Variants in SLC24A3 observed in about 807,000 individuals in gnomAD.
The protein encoded by SLC24A3 is solute carrier family 24 member 3.
In SLC24A3, 28 loss-of-function variants were observed where a neutral mutation model predicts 75.8. The observed-to-expected ratio is 0.37, with a 90% CI of 0.27 to 0.51. The LOEUF (loss-of-function observed/expected upper bound fraction) is 0.51, where lower values mean the gene tolerates loss of function less well. Ranked by LOEUF, SLC24A3 falls within the 20% of genes least tolerant of loss-of-function variation. The pLI, the probability that SLC24A3 is intolerant of heterozygous loss-of-function variation, is 0.94. For synonymous variants in SLC24A3, 372 were observed against 334.1 expected, an observed-to-expected ratio of 1.11 and a Z score of -1.24; for missense variants, 663 against 847.8, an observed-to-expected ratio of 0.78 and a Z score of 2.71.
Position 19,212,959 on chromosome 20 carries a change from G to A in SLC24A3, c.117G>A (p.Ser39=), listed in dbSNP as rs1370524641. ...FLASVALLLW[S]LSSLREQKEL... ...CCTCGGTGGCGCTGCTGCTCTGGTC[G>A]CTGTCGAGCCTGCGAGAGCAGAAGG... is the stretch of plus-strand genomic sequence containing the variant. The change falls in exon 1 of 17, where the codon TCG becomes TCA. Residue 39 remains serine (S), a synonymous_variant. Coordinates refer to ENST00000328041, the MANE Select transcript of SLC24A3 (RefSeq NM_020689.4). 4 of 1,316,838 alleles carry A rather than the reference G, an allele frequency of 3.0e-6. No homozygotes were observed. Among genetic ancestry groups the A allele is most frequent in the Admixed American group, 6.0e-5 (2 of 33,234 alleles). 81.6% of individuals were successfully genotyped at this position (1,316,838 alleles called of 1,614,324 possible).
intron 15 of SLC24A3, among the ~76,000 whole-genome samples, chr20:19,713,464 A>G (rs529519953): frequency 1.3e-5 from 2 of 152,324 alleles, no homozygotes; most frequent in African/African-American, 4.8e-5. Flanking sequence ...CACTCTGACC[A>G]GTCCCTGCTG....
At chr20:19,617,324 C>T (rs2031748691) in intron 6 of SLC24A3, among the ~76,000 whole-genome samples, 2 of 152,220 alleles carry the variant, frequency 1.3e-5, no homozygotes, top group African/African-American at 4.8e-5. Flanking sequence ...AGGACAAGGA[C>T]AGCATGCCCC....
chr20:19,462,994 C>T (rs116256085), intron 2 of SLC24A3, among the ~76,000 whole-genome samples: 2,300 of 152,212 alleles, frequency 0.015, 65 homozygotes, highest in African/African-American at 0.052. Flanking sequence ...GTCTTATCCA[C>T]CTCCTATCTC....
intron 2 of SLC24A3, among the ~76,000 whole-genome samples, chr20:19,286,221 A>G (rs1174594982): frequency 2.0e-5 from 3 of 152,190 alleles, no homozygotes; most frequent in Admixed American, 2.0e-4. Context: ...CCTACAGGTC[A>G]GCTATTGACT....
At chr20:19,715,498 T>TG (rs1474577528) in intron 15 of SLC24A3, among the ~76,000 whole-genome samples, 2 of 152,212 alleles carry the variant, frequency 1.3e-5, no homozygotes, top group Admixed American at 1.3e-4. Context: ...ATGTTCCAGC[T>TG]GGGGGCCAGC....
intron 3 of SLC24A3, among the ~76,000 whole-genome samples, chr20:19,575,699 T>A (rs1160603337): frequency 1.3e-5 from 2 of 152,214 alleles, no homozygotes; most frequent in African/African-American, 2.4e-5. Flanking sequence ...TTACAGCATA[T>A]CTGGGCTGCC....
At chr20:19,267,517 T>C (rs1185708364) in intron 1 of SLC24A3, among the ~76,000 whole-genome samples, 1 of 152,208 alleles carries the variant, frequency 6.6e-6, no homozygotes, top group Non-Finnish European at 1.5e-5. Context: ...TAAAAATCCA[T>C]TTTTTTAAAA....
At chr20:19,252,494 A>G (rs1982687921) in intron 1 of SLC24A3, among the ~76,000 whole-genome samples, 1 of 152,206 alleles carries the variant, frequency 6.6e-6, no homozygotes, top group Admixed American at 6.5e-5. Context: ...ATTAACCCAG[A>G]CAGCTGATTT....
At chr20:19,237,608 G>A (rs1415447014) in intron 1 of SLC24A3, among the ~76,000 whole-genome samples, 1 of 152,156 alleles carries the variant, frequency 6.6e-6, no homozygotes, top group African/African-American at 2.4e-5. Flanking sequence ...GCTCTGAGCT[G>A]ATCCTTCCCC....
intron 2 of SLC24A3, among the ~76,000 whole-genome samples, chr20:19,363,717 A>C (rs1985834652): frequency 6.6e-6 from 1 of 152,210 alleles, no homozygotes; most frequent in African/African-American, 2.4e-5. Context: ...ACTACAACAG[A>C]CTGTTTGGAG....
At position 19,633,576 on chromosome 20, in the gene SLC24A3, G is replaced by A. The variant is rs1001160788; in HGVS notation, c.613-20486G>A. 2.7e-5 allele frequency among the ~76,000 whole-genome samples: 4 copies of A among 148,724 alleles called. No individual in the cohort carries two copies. The South Asian group carries it at 8.5e-4, about 32-fold the overall frequency. On this transcript the variant is annotated intron_variant, in intron 6 of 16. Coordinates refer to ENST00000328041, the MANE Select transcript of SLC24A3 (RefSeq NM_020689.4). ...AGGCAGGAGAATGGCGTGAACCCGG[G>A]AGGCGGAGCTTGCAGTGAGCCGAGA... is the stretch of plus-strand genomic sequence containing the variant.
At chr20:19,255,716 C>T (rs944705385) in intron 1 of SLC24A3, among the ~76,000 whole-genome samples, 18 of 152,156 alleles carry the variant, frequency 1.2e-4, no homozygotes, top group African/African-American at 4.1e-4. Flanking sequence ...CTTGCAATGT[C>T]GCTTGCTAGA....
At chr20:19,514,625 G>A (rs979846493) in intron 2 of SLC24A3, among the ~76,000 whole-genome samples, 1 of 152,190 alleles carries the variant, frequency 6.6e-6, no homozygotes, top group East Asian at 1.9e-4. Context: ...ACCACAGGAG[G>A]CTTCATAAAG....
rs562599938 is a variant in SLC24A3, at chr20:19,345,668, C to G, written c.271+64581C>G. ...TTCTCAAAAGAAGATATACAAATGG[C>G]CAACAAGCATTTGGAAAAATGCTCA... On this transcript the variant is annotated intron_variant, in intron 2 of 16. Transcript: ENST00000328041. Among the ~76,000 whole-genome samples, 26 of 152,108 alleles carry G rather than the reference C, an allele frequency of 1.7e-4. 1 individual carries two copies. In the South Asian group the frequency reaches 5.0e-3, roughly 29 times the overall value.
intron 2 of SLC24A3, among the ~76,000 whole-genome samples, chr20:19,469,006 A>T (rs943897746): frequency 1.3e-5 from 2 of 152,166 alleles, no homozygotes; most frequent in African/African-American, 4.8e-5. Context: ...AGAGATGGAT[A>T]CTTAACACCA....
chr20:19,223,603 G>A (rs1408969480), intron 1 of SLC24A3, among the ~76,000 whole-genome samples: 1 of 152,150 alleles, frequency 6.6e-6, no homozygotes, highest in Non-Finnish European at 1.5e-5. Flanking sequence ...CACAGTAAGA[G>A]ATTAACAATA....
chr20:19,256,321 G>C (rs2122187168), intron 1 of SLC24A3, among the ~76,000 whole-genome samples: 1 of 152,272 alleles, frequency 6.6e-6, no homozygotes, highest in East Asian at 1.9e-4. Context: ...GGTTGCCTGG[G>C]GCTGGTCAAG....
At chr20:19,590,677 G>GCCAA (rs1360564772) in intron 6 of SLC24A3, among the ~76,000 whole-genome samples, 1 of 152,170 alleles carries the variant, frequency 6.6e-6, no homozygotes, top group Non-Finnish European at 1.5e-5. Context: ...GTAGACCAAG[G>GCCAA]CCAAGGTCAG....
At chr20:19,710,131 A>G (rs1250052014) in intron 15 of SLC24A3, among the ~76,000 whole-genome samples, 2 of 152,254 alleles carry the variant, frequency 1.3e-5, no homozygotes, top group African/African-American at 4.8e-5. Context: ...GACATGCCAC[A>G]TATGTTCCAA....
Sources: allele counts gnomAD v4.1 joint callset (sites outside exome capture counted in the v4.1 genomes callset), GRCh38; gene constraint gnomAD v4.1.1; transcripts MANE v1.5; gene names NCBI Gene and HGNC (gene_info 2026-07-23, HGNC 2026-07-21).